Variants in PEBP4 observed in about 807,000 individuals in gnomAD.
The protein encoded by PEBP4 is phosphatidylethanolamine binding protein 4.
In PEBP4, 22 loss-of-function variants were observed where a neutral mutation model predicts 23.9. The observed-to-expected ratio is 0.92, with a 90% confidence interval of 0.66 to 1.31. The LOEUF is 1.31. PEBP4 is among the 40% of genes most tolerant of loss of function. PEBP4 has a pLI of 0.00. For missense variants in PEBP4, 324 were observed against 281.7 expected, an observed-to-expected ratio of 1.15 and a Z score of -1.07; for synonymous variants, 112 against 99.3, an observed-to-expected ratio of 1.13 and a Z score of -0.76.
At chr8:22,934,204 A>G (rs2128783156) in intron 1 of PEBP4, among the ~76,000 whole-genome samples, 1 of 152,340 alleles carries the variant, frequency 6.6e-6, no homozygotes, top group Middle Eastern at 3.4e-3. Flanking sequence ...CGGGGCACAA[A>G]TATCTAAATT....
chr8:22,839,162 C>T (rs1027379467), intron 3 of PEBP4, among the ~76,000 whole-genome samples: 1 of 152,186 alleles, frequency 6.6e-6, no homozygotes, highest in Non-Finnish European at 1.5e-5. Flanking sequence ...GTTTTTCACA[C>T]TTGTTCGGGA....
At chr8:22,801,770 G>C (rs558117394) in intron 4 of PEBP4, among the ~76,000 whole-genome samples, 1 of 151,988 alleles carries the variant, frequency 6.6e-6, no homozygotes, top group African/African-American at 2.4e-5. Flanking sequence ...ACAGCAGCCC[G>C]GCTCCCAGCC....
intron 1 of PEBP4, among the ~76,000 whole-genome samples, chr8:22,934,414 C>T (rs1029411283): frequency 6.6e-6 from 1 of 152,004 alleles, no homozygotes; most frequent in African/African-American, 2.4e-5. Context: ...ATGTAATTCC[C>T]ATGGTAACCA....
At chr8:22,853,034 G>T (rs1376367088) in intron 3 of PEBP4, among the ~76,000 whole-genome samples, 1 of 152,184 alleles carries the variant, frequency 6.6e-6, no homozygotes, top group East Asian at 1.9e-4. Flanking sequence ...CATTACTGGG[G>T]GACTGAGGGG....
At chr8:22,909,553 C>T (rs1322348296) in intron 3 of PEBP4, among the ~76,000 whole-genome samples, 3 of 152,188 alleles carry the variant, frequency 2.0e-5, no homozygotes, top group Non-Finnish European at 4.4e-5. Flanking sequence ...CAACCCACTC[C>T]TTCCCTGTAT....
intron 3 of PEBP4, among the ~76,000 whole-genome samples, chr8:22,845,007 C>T (rs117384130): frequency 6.6e-6 from 1 of 152,308 alleles, no homozygotes; most frequent in East Asian, 1.9e-4. Context: ...GCAGGCAGGG[C>T]CCCCAGGAGC....
intron 4 of PEBP4, among the ~76,000 whole-genome samples, chr8:22,754,122 T>A (rs1179542869): frequency 6.6e-6 from 1 of 152,190 alleles, no homozygotes; most frequent in African/African-American, 2.4e-5. Flanking sequence ...TTTCTCAGGA[T>A]GGGCTCTGGG....
chr8:22,862,773 C>T (rs1302501163), intron 3 of PEBP4, among the ~76,000 whole-genome samples: 6 of 151,310 alleles, frequency 4.0e-5, no homozygotes, highest in South Asian at 4.2e-4. Context: ...GAGGTGTGAG[C>T]CCAGACCAGG....
At chr8:22,850,556 CGT>C (rs71274535) in intron 3 of PEBP4, among the ~76,000 whole-genome samples, 3 of 150,534 alleles carry the variant, frequency 2.0e-5, no homozygotes, top group Admixed American at 6.6e-5. Flanking sequence ...CCATGGCAAG[CGT>C]GTGTGTGTGT....
intron 4 of PEBP4, among the ~76,000 whole-genome samples, chr8:22,736,324 TG>T (rs1484304454): frequency 6.6e-6 from 1 of 152,038 alleles, no homozygotes; most frequent in African/African-American, 2.4e-5. Flanking sequence ...TAGACAAGAG[TG>T]GGGGTGCGTT....
At chr8:22,901,545 T>A (rs984630108) in intron 3 of PEBP4, among the ~76,000 whole-genome samples, 3 of 148,948 alleles carry the variant, frequency 2.0e-5, no homozygotes, top group Non-Finnish European at 4.5e-5. Context: ...GCCCACCGAC[T>A]CTCCACACTG....
upstream of PEBP4, among the ~76,000 whole-genome samples, chr8:22,929,076 A>G (rs1178153424): frequency 6.6e-6 from 1 of 152,226 alleles, no homozygotes; most frequent in African/African-American, 2.4e-5. Context: ...ACAGAGTCTA[A>G]TAGTAGCCTC....
intron 4 of PEBP4, among the ~76,000 whole-genome samples, chr8:22,737,264 A>C (rs1222908499): frequency 6.8e-6 from 1 of 146,328 alleles, no homozygotes; most frequent in Non-Finnish European, 1.5e-5. Flanking sequence ...ACTGCACTCC[A>C]GCGTGGGCAA....
intron 3 of PEBP4, among the ~76,000 whole-genome samples, chr8:22,821,203 A>G (rs1324881496): frequency 6.6e-6 from 1 of 152,158 alleles, no homozygotes; most frequent in African/African-American, 2.4e-5. Context: ...CAAAAAACAC[A>G]TGGGCTTTGG....
chr8:22,751,026 C>G (rs998169341), intron 4 of PEBP4, among the ~76,000 whole-genome samples: 1 of 152,188 alleles, frequency 6.6e-6, no homozygotes, highest in African/African-American at 2.4e-5. Context: ...GACAAGAAGG[C>G]ATTGAACTTG....
Position 22,898,389 on chromosome 8 carries a change from CCCAAAAAAAAAAAAAAAAAAAAAAA to C in PEBP4, c.258+21770_258+21794del, listed in dbSNP as rs1808635101. The stretch of plus-strand genomic sequence containing the variant: ...CCTGAGCGACAGAGGAAGACTCCAC[CCCAAAAAAAAAAAAAAAAAAAAAAA>C]AAAAAAAAAAAAAAAAACCCACCCA... On this transcript the variant is annotated intron_variant, in intron 3 of 6. Transcript: ENST00000256404. Among the ~76,000 whole-genome samples, 39 of 86,680 alleles carry C rather than the reference CCCAAAAAAAAAAAAAAAAAAAAAAA, an allele frequency of 4.5e-4. 1 individual carries two copies. Among genetic ancestry groups the C allele is most frequent in the Non-Finnish European group, 6.9e-4 (31 of 45,082 alleles). The allele number at this position is 86,680 out of a possible 152,430, so 56.9% of individuals were successfully genotyped here. A position where few individuals can be genotyped will look rare whatever the true frequency, so the allele number is the denominator to read the frequency against.
At position 22,737,734 on chromosome 8, in the gene PEBP4, G is replaced by C. The variant is rs943529084; in HGVS notation, c.358-10514C>G. Among the ~76,000 whole-genome samples, 12 of 152,348 alleles carry C rather than the reference G, an allele frequency of 7.9e-5. No individual in the cohort carries two copies. In the South Asian group the frequency reaches 1.0e-3, roughly 13 times the overall value. On this transcript the variant is annotated intron_variant, in intron 4 of 6. Transcript: ENST00000256404. ...CATTACCAATCAGCTACATGACTTT[G>C]AGCAAGACACTTAATTTCACAGCGT...
intron 3 of PEBP4, among the ~76,000 whole-genome samples, chr8:22,861,234 C>T (rs1041011408): frequency 6.6e-6 from 1 of 152,186 alleles, no homozygotes; most frequent in Non-Finnish European, 1.5e-5. Flanking sequence ...CTTTAGCCTA[C>T]TGAAGTCAGC....
intron 3 of PEBP4, among the ~76,000 whole-genome samples, chr8:22,843,626 G>C (rs1807369444): frequency 6.6e-6 from 1 of 152,186 alleles, no homozygotes; most frequent in Non-Finnish European, 1.5e-5. Context: ...ACATCATCTA[G>C]AAAAGAGAAA....
Sources: allele counts gnomAD v4.1 joint callset (sites outside exome capture counted in the v4.1 genomes callset), GRCh38; gene constraint gnomAD v4.1.1; transcripts MANE v1.5; gene names NCBI Gene and HGNC (gene_info 2026-07-23, HGNC 2026-07-21).